The following PRKG1 variants were observed in gnomAD, a reference collection of about 807,000 sequenced individuals.
PRKG1 encodes cGMP-dependent protein kinase 1.
In PRKG1, 35 loss-of-function variants were observed where a neutral mutation model predicts 88.1. That is an observed-to-expected ratio of 0.40 (90% confidence interval 0.30 to 0.53). The LOEUF (loss-of-function observed/expected upper bound fraction) is 0.53, where lower values mean the gene tolerates loss of function less well. PRKG1 is among the 20% of genes least tolerant of loss of function. The pLI is 0.59. For synonymous variants in PRKG1, 303 were observed against 292.5 expected (o/e 1.04, Z -0.37); for missense variants, 540 against 839.8 (o/e 0.64, Z 4.41).
chr10:51,124,492 T>C (rs1845346781), intron 1 of PRKG1, among the ~76,000 whole-genome samples: 1 of 152,214 alleles, frequency 6.6e-6, no homozygotes, highest in South Asian at 2.1e-4. Flanking sequence ...CCCATGTTTG[T>C]GGGTGTGGGA....
At chr10:51,077,647 T>G (rs1843991589) in intron 1 of PRKG1, among the ~76,000 whole-genome samples, 1 of 152,160 alleles carries the variant, frequency 6.6e-6, no homozygotes, top group South Asian at 2.1e-4. Flanking sequence ...AATGTGGGAA[T>G]TGGAGGGAAG....
At chr10:51,002,416 A>G (rs1239905474) in intron 1 of PRKG1, among the ~76,000 whole-genome samples, 1 of 152,180 alleles carries the variant, frequency 6.6e-6, no homozygotes, top group Non-Finnish European at 1.5e-5. Flanking sequence ...TATTTTAATA[A>G]TCAAGTTAAT....
intron 2 of PRKG1, among the ~76,000 whole-genome samples, chr10:51,455,998 TA>T (rs1564504476): frequency 6.6e-6 from 1 of 152,188 alleles, no homozygotes; most frequent in East Asian, 1.9e-4. Flanking sequence ...CTCATGCTGC[TA>T]ATAAAGACAT....
intron 5 of PRKG1, among the ~76,000 whole-genome samples, chr10:51,990,067 T>C (rs1323028937): frequency 6.6e-6 from 1 of 152,164 alleles, no homozygotes; most frequent in Non-Finnish European, 1.5e-5. Context: ...ATTTCAACAC[T>C]ATTTATTGAA....
Position 51,863,745 on chromosome 10 carries a change from T to C in PRKG1, c.699-43762T>C, listed in dbSNP as rs540304457. Among the ~76,000 whole-genome samples, 112 of 152,250 alleles carry C rather than the reference T, an allele frequency of 7.4e-4. 4 individuals are homozygous for C. In the South Asian group the frequency reaches 0.021, roughly 29 times the overall value. On this transcript the variant is annotated intron_variant, in intron 4 of 17. Coordinates refer to ENST00000373980, the MANE Select transcript of PRKG1 (RefSeq NM_006258.4). ...ACCTTGTAATTCTCAACCTCCAGAA[T>C]TGTAAGAAAGAAATCTCTGTTCCTT...
chr10:51,501,524 T>C (rs1337125161), intron 3 of PRKG1, among the ~76,000 whole-genome samples: 1 of 152,124 alleles, frequency 6.6e-6, no homozygotes, highest in African/African-American at 2.4e-5. Context: ...TATGCTGACA[T>C]CCAAGCTCTC....
At chr10:51,494,302 G>A (rs74132514) in intron 3 of PRKG1, among the ~76,000 whole-genome samples, 2,617 of 152,200 alleles carry the variant, frequency 0.017, 53 homozygotes, top group African/African-American at 0.044. Context: ...TCTCTTGAAA[G>A]GACACATTTT....
chr10:51,011,056 T>A (rs1047492500), intron 1 of PRKG1, among the ~76,000 whole-genome samples: 1 of 152,126 alleles, frequency 6.6e-6, no homozygotes, highest in Non-Finnish European at 1.5e-5. Flanking sequence ...TCCTAGCACA[T>A]CATAACTAAA....
chr10:52,022,954 A>T (rs986077185), intron 5 of PRKG1, among the ~76,000 whole-genome samples: 7 of 152,158 alleles, frequency 4.6e-5, no homozygotes, highest in African/African-American at 1.7e-4. Context: ...TCTGGGGTAC[A>T]TGTGCAGAAC....
chr10:51,895,236 A>G lies in PRKG1; in HGVS notation c.699-12271A>G, dbSNP rs568772258. Among the ~76,000 whole-genome samples, 13 of 152,348 alleles carry G rather than the reference A, an allele frequency of 8.5e-5. No individual in the cohort carries two copies. The East Asian group carries it at 2.5e-3, about 29-fold the overall frequency. ...TTTGGCTGTTTTTCTTAGCAAGAGC[A>G]GGACAGAACTGGATGAGTAGTGAAG... On this transcript the variant is annotated intron_variant, in intron 4 of 17. Transcript: ENST00000373980.
At chr10:51,224,768 C>T (rs1386896225) in intron 2 of PRKG1, among the ~76,000 whole-genome samples, 3 of 152,130 alleles carry the variant, frequency 2.0e-5, no homozygotes, top group Admixed American at 1.3e-4. Context: ...AAGTAAAATC[C>T]AAGCCCTATT....
intron 3 of PRKG1, among the ~76,000 whole-genome samples, chr10:51,553,314 G>A (rs76693237): frequency 0.03 from 4,558 of 151,714 alleles, 123 homozygotes; most frequent in Middle Eastern, 0.071. Context: ...AAAGCAGTGC[G>A]ATGAATACTT....
intron 5 of PRKG1, chr10:51,907,790 A>T: frequency 2.4e-6 from 1 of 421,044 alleles, no homozygotes; most frequent in Middle Eastern, 6.1e-4. Flanking sequence ...AGAGGGAGAC[A>T]AACTTTTTGT....
At chr10:51,544,825 C>G (rs1330774628) in intron 3 of PRKG1, among the ~76,000 whole-genome samples, 3 of 151,956 alleles carry the variant, frequency 2.0e-5, no homozygotes. Flanking sequence ...AGAACATAAA[C>G]AAATTTACAA....
chr10:51,295,962 G>A (rs1167121951), intron 2 of PRKG1, among the ~76,000 whole-genome samples: 5 of 152,046 alleles, frequency 3.3e-5, no homozygotes, highest in Non-Finnish European at 7.4e-5. Flanking sequence ...TTCTGTTAGT[G>A]TGGTGTATCA....
At chr10:51,628,110 C>T (rs111519224) in intron 3 of PRKG1, among the ~76,000 whole-genome samples, 6,635 of 137,064 alleles carry the variant, frequency 0.048, 277 homozygotes, top group South Asian at 0.1. Flanking sequence ...TTCTTTCTTT[C>T]CTTCTTTATT....
chr10:51,386,071 C>T (rs1837241371), intron 2 of PRKG1, among the ~76,000 whole-genome samples: 1 of 152,054 alleles, frequency 6.6e-6, no homozygotes. Context: ...AGTATAGATG[C>T]CTTGTGTTCT....
chr10:51,789,241 A>G (rs1838806089), intron 3 of PRKG1, among the ~76,000 whole-genome samples: 1 of 152,222 alleles, frequency 6.6e-6, no homozygotes, highest in Non-Finnish European at 1.5e-5. Context: ...ATGTGCAATG[A>G]CATTTACCAA....
chr10:52,282,267 G>T lies in PRKG1; in HGVS notation c.1660G>T (p.Ala554Ser). The change falls in exon 14 of 18, where the codon GCC (alanine) becomes TCC (serine). Residue 554 changes from alanine (A) to serine (S), a missense_variant. Physicochemically the swap from Ala to Ser is moderately conservative, Grantham distance 99. Transcript: ENST00000373980. ...IILNKGHDIS[A>S]DYWSLGILMY... ...CCTGAACAAAGGCCATGACATTTCA[G>T]CCGACTACTGGTCACTGGGAATCCT... is the stretch of plus-strand genomic sequence containing the variant. 1 of 1,610,588 alleles carries T rather than the reference G, an allele frequency of 6.2e-7. No homozygotes were observed. The highest frequency in any genetic ancestry group is 8.5e-7 in the Non-Finnish European group (1 of 1,177,708).
Sources: gnomAD v4.1 joint callset for allele counts (sites outside exome capture counted in the v4.1 genomes callset) on GRCh38, gnomAD v4.1.1 for gene constraint, MANE v1.5 for transcripts, NCBI Gene and HGNC (gene_info 2026-07-23, HGNC 2026-07-21) for gene names.